The following NRG3 variants were observed in gnomAD, a reference collection of about 807,000 sequenced individuals.
NRG3 encodes the protein neuregulin 3.
In NRG3, 31 loss-of-function variants were observed where a neutral mutation model predicts 66.9. The ratio of observed to expected loss-of-function variants is 0.46; its 90% CI spans 0.35 to 0.63. The LOEUF (loss-of-function observed/expected upper bound fraction) is 0.63, where lower values mean the gene tolerates loss of function less well. NRG3 is among the 20% of genes least tolerant of loss of function. NRG3 has a pLI of 0.00. For missense variants in NRG3, 910 were observed against 878.9 expected (o/e 1.04, Z -0.45); for synonymous variants, 393 against 359.4 (o/e 1.09, Z -1.06).
chr10:82,720,354 C>T (rs1328449799), intron 2 of NRG3, among the ~76,000 whole-genome samples: 1 of 151,732 alleles, frequency 6.6e-6, no homozygotes, highest in African/African-American at 2.4e-5. Context: ...TGCGCCACTG[C>T]ACTCCAGCCT....
chr10:82,782,004 C>G (rs948936573), intron 3 of NRG3, among the ~76,000 whole-genome samples: 1 of 152,128 alleles, frequency 6.6e-6, no homozygotes, highest in African/African-American at 2.4e-5. Flanking sequence ...CCCAAGAAAC[C>G]ATTGAGAAGC....
chr10:82,610,428 C>T (rs1360815917), intron 2 of NRG3, among the ~76,000 whole-genome samples: 1 of 152,118 alleles, frequency 6.6e-6, no homozygotes, highest in East Asian at 1.9e-4. Flanking sequence ...AATTCATTAA[C>T]ATATAATTCC....
At chr10:82,865,058 A>T (rs1010917243) in intron 3 of NRG3, among the ~76,000 whole-genome samples, 15 of 152,202 alleles carry the variant, frequency 9.9e-5, no homozygotes, top group Admixed American at 4.6e-4. Context: ...CACATAAAAT[A>T]TTATGCATTC....
chr10:82,788,485 G>A (rs147220847), intron 3 of NRG3, among the ~76,000 whole-genome samples: 183 of 152,184 alleles, frequency 1.2e-3, no homozygotes, highest in African/African-American at 3.8e-3. Context: ...CAGGAGAATC[G>A]CTTGAACCCA....
intron 1 of NRG3, among the ~76,000 whole-genome samples, chr10:82,076,306 G>A (rs1237056129): frequency 6.6e-6 from 1 of 152,156 alleles, no homozygotes; most frequent in Non-Finnish European, 1.5e-5. Flanking sequence ...GTAAGACAGA[G>A]AAAGATCTTG....
intron 1 of NRG3, among the ~76,000 whole-genome samples, chr10:82,101,732 GT>G (rs2066733395): frequency 6.6e-6 from 1 of 151,380 alleles, no homozygotes; most frequent in Admixed American, 6.6e-5. Context: ...GCTAAGGGTT[GT>G]TTAATAAGCA....
chr10:82,758,868 C>T lies in NRG3; in HGVS notation c.1027+20218C>T, dbSNP rs556869959. Among the ~76,000 whole-genome samples the T allele has an allele frequency of 2.9e-4, 44 of 151,076 alleles. No homozygotes were observed. In the South Asian group the frequency reaches 9.2e-3, roughly 32 times the overall value. On this transcript the variant is annotated intron_variant, in intron 3 of 8. Coordinates refer to ENST00000372141, the MANE Select transcript of NRG3 (RefSeq NM_001010848.4). ...AACTTGTCTTGGCAAAAGGCTGGCT[C>T]ATTACATTCAGTGAATGTTAAAAAA...
At chr10:82,942,632 G>C (rs1848673765) in intron 4 of NRG3, among the ~76,000 whole-genome samples, 1 of 152,194 alleles carries the variant, frequency 6.6e-6, no homozygotes, top group Admixed American at 6.5e-5. Context: ...CTTTTTGGCA[G>C]GCAGCCTGGC....
intron 2 of NRG3, among the ~76,000 whole-genome samples, chr10:82,580,907 G>T (rs1314819624): frequency 8.6e-6 from 1 of 116,946 alleles, no homozygotes; most frequent in Non-Finnish European, 1.9e-5. Context: ...AAGTTTGTGT[G>T]TGTGTGTGTG....
intron 1 of NRG3, among the ~76,000 whole-genome samples, chr10:81,933,924 AT>A (rs928912381): frequency 6.6e-6 from 1 of 152,222 alleles, no homozygotes; most frequent in African/African-American, 2.4e-5. Context: ...TGACAGAAAA[AT>A]TTGACTTTTT....
chr10:82,424,238 G>A lies in NRG3; in HGVS notation c.953+65370G>A, dbSNP rs146008265. Among the ~76,000 whole-genome samples the A allele has an allele frequency of 5.7e-4, 86 of 152,056 alleles. No homozygotes were observed. The East Asian group carries it at 0.015, about 27-fold the overall frequency. On this transcript the variant is annotated intron_variant, in intron 2 of 8. Transcript: ENST00000372141. ...GCCAAACTGTTTTCTGTTTTGCAAA[G>A]TGGCTCTAGCATTTTAAATCCCACC...
At position 82,525,273 on chromosome 10, in the gene NRG3, G is replaced by GA. The variant is rs573174592; in HGVS notation, c.953+166414dup. ...CTGGATAGAAGATGCTTTTACTCTG[G>GA]AAAAAAAAATCCATCTAGCCAAATT... On this transcript the variant is annotated intron_variant, in intron 2 of 8. Coordinates refer to ENST00000372141, the MANE Select transcript of NRG3 (RefSeq NM_001010848.4). Among the ~76,000 whole-genome samples, 296 of 150,510 alleles carry GA rather than the reference G, an allele frequency of 2.0e-3. 7 individuals are homozygous for GA. The East Asian group carries it at 0.051, about 26-fold the overall frequency.
intron 1 of NRG3, among the ~76,000 whole-genome samples, chr10:82,104,866 GTTGA>G (rs2132160767): frequency 6.6e-6 from 1 of 152,160 alleles, no homozygotes; most frequent in Admixed American, 6.5e-5. Flanking sequence ...GCTTTATAGT[GTTGA>G]TTATGAAAAG....
chr10:82,115,717 T>C lies in NRG3; in HGVS notation c.823+239554T>C, dbSNP rs967542783. Among the ~76,000 whole-genome samples, 3 of 152,074 alleles carry C rather than the reference T, an allele frequency of 2.0e-5. No homozygotes were observed. In the East Asian group the frequency reaches 5.8e-4, roughly 29 times the overall value. ...TGGGCATTTACACTAGAGTCAAAAG[T>C]GGATATCAGGGGTTTGGTCCTGTTA... is the stretch of plus-strand genomic sequence containing the variant. On this transcript the variant is annotated intron_variant, in intron 1 of 8. Transcript: ENST00000372141.
At chr10:82,136,503 G>C (rs566286161) in intron 1 of NRG3, among the ~76,000 whole-genome samples, 1 of 152,114 alleles carries the variant, frequency 6.6e-6, no homozygotes, top group Non-Finnish European at 1.5e-5. Flanking sequence ...GAATCTACTT[G>C]ATGCTCCATT....
chr10:82,417,000 T>C (rs1289466841), intron 2 of NRG3, among the ~76,000 whole-genome samples: 2 of 152,164 alleles, frequency 1.3e-5, no homozygotes, highest in Non-Finnish European at 2.9e-5. Context: ...TAGATTTTAG[T>C]ACCATTTTTG....
intron 2 of NRG3, among the ~76,000 whole-genome samples, chr10:82,414,826 G>A (rs1022683879): frequency 1.3e-5 from 2 of 152,136 alleles, no homozygotes; most frequent in Admixed American, 1.3e-4. Flanking sequence ...AAGCCTGTAG[G>A]CAGACCAGCA....
rs760408218 is a variant in NRG3 at position 82,641,817 on chromosome 10, A to AG, written c.954-96758dup. On this transcript the variant is annotated intron_variant, in intron 2 of 8. Transcript: ENST00000372141. The stretch of plus-strand genomic sequence containing the variant: ...AACTAATAAATAGAAGGAAAGAAGA[A>AG]GGTTTTATCCTGTTTTAAATTGTCT... Among the ~76,000 whole-genome samples, 5 of 152,062 alleles carry AG rather than the reference A, an allele frequency of 3.3e-5. No homozygotes were observed. In the South Asian group the frequency reaches 6.2e-4, roughly 19 times the overall value.
chr10:82,649,895 A>T (rs971064270), intron 2 of NRG3, among the ~76,000 whole-genome samples: 2 of 152,090 alleles, frequency 1.3e-5, no homozygotes, highest in African/African-American at 4.8e-5. Context: ...TCTCAGTGGA[A>T]GTTCTTTTTT....
Sources: gnomAD v4.1 joint callset for allele counts (sites outside exome capture counted in the v4.1 genomes callset) on GRCh38, gnomAD v4.1.1 for gene constraint, MANE v1.5 for transcripts, NCBI Gene and HGNC (gene_info 2026-07-23, HGNC 2026-07-21) for gene names.